The following SORCS1 variants were observed in gnomAD, a reference collection of about 807,000 sequenced individuals.
SORCS1 encodes the protein sortilin related VPS10 domain containing receptor 1, also known as VPS10 domain-containing receptor SorCS1.
In SORCS1, 60 loss-of-function variants were observed where a neutral mutation model predicts 146.1. The observed-to-expected ratio is 0.41, with a 90% CI of 0.33 to 0.51. SORCS1 has a LOEUF of 0.51. Ranked by LOEUF, SORCS1 falls within the 20% of genes least tolerant of loss-of-function variation. The probability of loss-of-function intolerance (pLI) is 0.21; values close to 1 mark genes in which losing one functional copy is unlikely to be tolerated. For missense variants in SORCS1, 1,352 were observed against 1,487.6 expected (o/e 0.91, Z 1.50); for synonymous variants, 637 against 584.0 (o/e 1.09, Z -1.31).
intron 25 of SORCS1, 34 bp downstream of exon 25, chr10:106,579,334 CA>C (rs780969348): frequency 1.1e-5 from 17 of 1,613,960 alleles, no homozygotes; most frequent in Middle Eastern, 1.6e-4. Context: ...AGGAAGAGGT[CA>C]GGGGTGGGGG....
At chr10:106,964,478 T>C (rs1254458249) in intron 1 of SORCS1, among the ~76,000 whole-genome samples, 1 of 15,782 alleles carries the variant, frequency 6.3e-5, no homozygotes, top group Non-Finnish European at 1.5e-4. Context: ...TAATATTTTA[T>C]TTTATTTTAT....
In SORCS1 at chr10:106,858,607, C is replaced by CAAAA. The variant is rs71482495; in HGVS notation, c.627-28938_627-28935dup. Among the ~76,000 whole-genome samples the CAAAA allele has an allele frequency of 4.2e-3, 335 of 80,708 alleles. 4 individuals are homozygous for CAAAA. The highest frequency in any genetic ancestry group is 8.9e-3 in the Middle Eastern group (1 of 112). 52.9% of individuals were successfully genotyped at this position (80,708 alleles called of 152,430 possible). A position where few individuals can be genotyped will look rare whatever the true frequency, so the allele number is the denominator to read the frequency against. ...TGGGAGACAGAGCAAGCCTCTGTCT[C>CAAAA]AAAAAAAAAAAAAAAAAAAGGAAAG... is the stretch of plus-strand genomic sequence containing the variant. On this transcript the variant is annotated intron_variant, in intron 2 of 25. Transcript: ENST00000263054.
At chr10:107,015,232 A>T (rs1178068387) in intron 1 of SORCS1, among the ~76,000 whole-genome samples, 1 of 152,242 alleles carries the variant, frequency 6.6e-6, no homozygotes, top group Non-Finnish European at 1.5e-5. Context: ...GGGATATGTT[A>T]GCCAACAAAG....
chr10:106,783,359 T>A (rs1861041688), intron 3 of SORCS1, among the ~76,000 whole-genome samples: 1 of 152,230 alleles, frequency 6.6e-6, no homozygotes. Context: ...ATCTATGTCA[T>A]GCCCTGCAGA....
At chr10:106,638,076 C>A (rs913206182) in intron 18 of SORCS1, among the ~76,000 whole-genome samples, 5 of 152,152 alleles carry the variant, frequency 3.3e-5, no homozygotes, top group Non-Finnish European at 5.9e-5. Flanking sequence ...AACCTTGACC[C>A]ATTGCACTTT....
intron 18 of SORCS1, among the ~76,000 whole-genome samples, chr10:106,642,646 C>T (rs2133687915): frequency 6.6e-6 from 1 of 152,174 alleles, no homozygotes; most frequent in East Asian, 1.9e-4. Context: ...TTAATTTATA[C>T]CCAAGCCTCT....
chr10:107,017,650 A>AT (rs1957955133), intron 1 of SORCS1, among the ~76,000 whole-genome samples: 1 of 152,014 alleles, frequency 6.6e-6, no homozygotes, highest in South Asian at 2.1e-4. Context: ...TAAGTTTTAA[A>AT]TTTTTTATTT....
intron 12 of SORCS1, 31 bp from the exon 13 acceptor site, chr10:106,677,435 C>T (rs1852117156): frequency 1.3e-6 from 2 of 1,556,914 alleles, no homozygotes; most frequent in South Asian, 1.1e-5. Context: ...CATGGACACA[C>T]ATCCACATCC....
chr10:106,577,174 A>G lies in SORCS1; in HGVS notation c.*246T>C. 1 of 1,424,496 alleles carries G rather than the reference A, an allele frequency of 7.0e-7. No individual in the cohort carries two copies. Among genetic ancestry groups the G allele is most frequent in the Admixed American group, 2.0e-5 (1 of 50,170 alleles). The allele number at this position is 1,424,496 out of a possible 1,614,324, so 88.2% of individuals were successfully genotyped here. A position where few individuals can be genotyped will look rare whatever the true frequency, so the allele number is the denominator to read the frequency against. On this transcript the variant is annotated 3_prime_UTR_variant, in exon 26 of 26. Coordinates refer to ENST00000263054, the MANE Select transcript of SORCS1 (RefSeq NM_052918.5). ...TTTGGATTTTGATTGTTTATATTTT[A>G]TGTTTTGTTTTGTTTTTGTTTTTGT...
At chr10:107,068,249 A>G (rs2134163516) in intron 1 of SORCS1, among the ~76,000 whole-genome samples, 1 of 152,274 alleles carries the variant, frequency 6.6e-6, no homozygotes, top group South Asian at 2.1e-4. Context: ...GAAAGACTTG[A>G]AAGATCTGTC....
Position 106,612,039 on chromosome 10 carries a change from T to C in SORCS1, c.2921-16A>G, listed in dbSNP as rs1475940300. On this transcript the variant is annotated splice_polypyrimidine_tract_variant and intron_variant, in intron 21 of 25. Coordinates refer to ENST00000263054, the MANE Select transcript of SORCS1 (RefSeq NM_052918.5). ...CGGAATTCCTCTGGGGATATAACAG[T>C]AGATGGAGTACTATAAGTCAAATAG... 1.3e-6 allele frequency: 2 copies of C among 1,577,300 alleles called. No individual in the cohort carries two copies. Among genetic ancestry groups the C allele is most frequent in the South Asian group, 2.2e-5 (2 of 90,246 alleles).
chr10:106,870,674 T>C (rs1039137574), intron 2 of SORCS1, among the ~76,000 whole-genome samples: 4 of 152,144 alleles, frequency 2.6e-5, no homozygotes, highest in African/African-American at 9.7e-5. Flanking sequence ...TTAGACTGTA[T>C]ATAAAAATCA....
chr10:106,680,372 G>A (rs538556398), intron 10 of SORCS1, among the ~76,000 whole-genome samples: 1 of 152,300 alleles, frequency 6.6e-6, no homozygotes, highest in Admixed American at 6.5e-5. Context: ...GAAAAAGTAG[G>A]TTGGCATCTC....
chr10:107,156,272 G>A (rs1969276171), intron 1 of SORCS1, among the ~76,000 whole-genome samples: 1 of 152,150 alleles, frequency 6.6e-6, no homozygotes, highest in Admixed American at 6.5e-5. Context: ...AAAGAGCTTT[G>A]GTTCCAGAAA....
In SORCS1 at chr10:106,724,222, T is replaced by C. The variant is rs531803183; in HGVS notation, c.1024+5828A>G. ...GTTATAAGGTTTATAAAAATAAAGATATAAGGCCGGGCATGGTGGCTCACG... is the reference window on the plus strand; with the variant it reads ...GTTATAAGGTTTATAAAAATAAAGACATAAGGCCGGGCATGGTGGCTCACG... On this transcript the variant is annotated intron_variant, in intron 6 of 25. Transcript: ENST00000263054. Among the ~76,000 whole-genome samples the C allele has an allele frequency of 4.6e-5, 7 of 152,268 alleles. No homozygotes were observed. In the East Asian group the frequency reaches 1.4e-3, roughly 29 times the overall value.
In SORCS1 at chr10:106,822,792, T is replaced by TG. The variant is rs1948114691; in HGVS notation, c.726+6781_726+6782insC. 2.8e-5 allele frequency among the ~76,000 whole-genome samples: 4 copies of TG among 140,978 alleles called. No homozygotes were observed. The South Asian group carries it at 6.5e-4, about 23-fold the overall frequency. The allele number at this position is 140,978 out of a possible 152,430, so 92.5% of individuals were successfully genotyped here. A position where few individuals can be genotyped will look rare whatever the true frequency, so the allele number is the denominator to read the frequency against. ...CTGAATTCATGTGTGGTTTTTTTTT[T>TG]TTTTTTTTTTGAATATTGCTCTGTT... On this transcript the variant is annotated intron_variant, in intron 3 of 25. Transcript: ENST00000263054.
At chr10:107,068,529 C>T (rs778649766) in intron 1 of SORCS1, among the ~76,000 whole-genome samples, 6 of 152,070 alleles carry the variant, frequency 3.9e-5, no homozygotes, top group African/African-American at 7.2e-5. Context: ...AGGCATAAGT[C>T]GGCCTGACTC....
chr10:107,180,401 C>A, the SORCS1 span, among the ~76,000 whole-genome samples: 4 of 152,082 alleles, frequency 2.6e-5, no homozygotes, highest in African/African-American at 9.7e-5. Flanking sequence ...GGGCTTAGGT[C>A]AAACTTATTT....
chr10:106,654,209 T>C (rs930807233), intron 17 of SORCS1, among the ~76,000 whole-genome samples: 2 of 152,238 alleles, frequency 1.3e-5, no homozygotes, highest in African/African-American at 2.4e-5. Flanking sequence ...GCTTACTATG[T>C]CCTAGTTATT....
Sources: gnomAD v4.1 joint callset for allele counts (sites outside exome capture counted in the v4.1 genomes callset) on GRCh38, gnomAD v4.1.1 for gene constraint, MANE v1.5 for transcripts, NCBI Gene and HGNC (gene_info 2026-07-23, HGNC 2026-07-21) for gene names.